Variants in SP100 observed in about 807,000 individuals in gnomAD.
The protein encoded by SP100 is nuclear autoantigen Sp-100.
Under a neutral mutation model 130.0 loss-of-function variants are expected in SP100, and 84 were observed. That is an observed-to-expected ratio of 0.65 (90% CI 0.54 to 0.77). SP100 has a LOEUF of 0.77. Ranked by LOEUF, SP100 falls within the 30% of genes least tolerant of loss-of-function variation. The probability of loss-of-function intolerance (pLI) is 0.00; values close to 1 mark genes in which losing one functional copy is unlikely to be tolerated. For synonymous variants in SP100, 331 were observed against 351.7 expected (o/e 0.94, Z 0.66); for missense variants, 978 against 1,052.2 (o/e 0.93, Z 0.97).
chr2:230,445,740 T>C (rs1306420718), intron 4 of SP100, among the ~76,000 whole-genome samples: 1 of 152,172 alleles, frequency 6.6e-6, no homozygotes, highest in Admixed American at 6.5e-5. Context: ...AAGGGAATGG[T>C]GCTACCTTTA....
At chr2:230,526,861 G>A (rs919833693) in intron 24 of SP100, among the ~76,000 whole-genome samples, 2 of 151,992 alleles carry the variant, frequency 1.3e-5, no homozygotes, top group African/African-American at 4.8e-5. Flanking sequence ...AAAGTGAGAA[G>A]ACAAGACTAG....
chr2:230,437,298 C>T (rs1261493056), intron 2 of SP100, among the ~76,000 whole-genome samples: 1 of 152,092 alleles, frequency 6.6e-6, no homozygotes, highest in Non-Finnish European at 1.5e-5. Context: ...CATTCAATCT[C>T]ATTGTCATTG....
Position 230,543,106 on chromosome 2 carries a change from C to T in SP100, c.*160C>T. ...CGTCTTTTCAGCTTTCAATAAAATTCAACACCCCTTCATGTTAAAAATTCT... is the reference window on the plus strand; with the variant it reads ...CGTCTTTTCAGCTTTCAATAAAATTTAACACCCCTTCATGTTAAAAATTCT... On this transcript the variant is annotated 3_prime_UTR_variant, in exon 29 of 29. Coordinates refer to ENST00000340126, the MANE Select transcript of SP100 (RefSeq NM_001080391.2). 1.9e-6 allele frequency: 1 copy of T among 514,236 alleles called. No homozygotes were observed. The allele number at this position is 514,236 out of a possible 1,614,324, so 31.9% of individuals were successfully genotyped here.
chr2:230,447,664 T>A (rs977819446), intron 5 of SP100, among the ~76,000 whole-genome samples: 1 of 152,292 alleles, frequency 6.6e-6, no homozygotes, highest in African/African-American at 2.4e-5. Flanking sequence ...GGGCAAAGCG[T>A]GGGGAAGGGC....
chr2:230,466,253 A>G (rs1305447307), intron 11 of SP100, 48 bp from the exon 12 acceptor site: 6 of 1,050,540 alleles, frequency 5.7e-6, no homozygotes, highest in African/African-American at 1.6e-5. Context: ...CATAGAATTT[A>G]TAAGTCTCTT....
chr2:230,470,825 G>T (rs544363834), intron 15 of SP100, among the ~76,000 whole-genome samples: 1 of 152,148 alleles, frequency 6.6e-6, no homozygotes, highest in Admixed American at 6.5e-5. Context: ...AAGAAGATGC[G>T]CAAGGAACTC....
chr2:230,462,328 A>T, intron 9 of SP100, 107 bp from the exon 10 acceptor site: 1 of 804,722 alleles, frequency 1.2e-6, no homozygotes, highest in Non-Finnish European at 2.1e-6. Context: ...GTCTTGAGTT[A>T]ACTTAGCTTC....
At chr2:230,456,730 T>C (rs947918432) in intron 8 of SP100, among the ~76,000 whole-genome samples, 5 of 152,222 alleles carry the variant, frequency 3.3e-5, no homozygotes, top group Non-Finnish European at 5.9e-5. Flanking sequence ...ATTCATTGTA[T>C]TTTTCAGCTC....
At chr2:230,538,339 A>AG (rs1692029275) in intron 24 of SP100, 1 of 152,234 alleles carries the variant, frequency 6.6e-6, no homozygotes. Flanking sequence ...TGTACTTTAT[A>AG]GGATGATGTA....
chr2:230,428,981 A>G (rs1050419793), intron 2 of SP100, among the ~76,000 whole-genome samples: 3 of 152,228 alleles, frequency 2.0e-5, no homozygotes, highest in Non-Finnish European at 4.4e-5. Context: ...AAAGTGACTT[A>G]TGCACAATCA....
At position 230,503,110 on chromosome 2, in the gene SP100, G is replaced by A. The variant is rs2067127932; in HGVS notation, c.1765G>A (p.Gly589Ser). 1.3e-6 allele frequency: 2 copies of A among 1,592,614 alleles called. No homozygotes were observed. Among genetic ancestry groups the A allele is most frequent in the Admixed American group, 1.7e-5 (1 of 58,818 alleles). Reference protein sequence around the residue: ...TRPLKRRRKRGPRIPKDENIN... With the variant: ...TRPLKRRRKRSPRIPKDENIN... ...ACCTTTGAAAAGAAGAAGAAAAAGA[G>A]GTAAATAGAAGTGATCGATATGTTT... Residue 589 changes from glycine (G) to serine (S), a missense_variant and splice_region_variant, in exon 20 of 29, where the codon GGT becomes AGT. Transcript: ENST00000340126.
At position 230,464,156 on chromosome 2, in the gene SP100, A is replaced by G. The variant is rs2064811598; in HGVS notation, c.1141+6A>G. On this transcript the variant is annotated splice_donor_region_variant and intron_variant, in intron 11 of 28. Coordinates refer to ENST00000340126, the MANE Select transcript of SP100 (RefSeq NM_001080391.2). ...ACGACCCCAGATTGTACCAGGTAAG[A>G]ATATTAGAGTTGCAACCCGAGACTG... 4 of 1,569,774 alleles carry G rather than the reference A, an allele frequency of 2.5e-6. No homozygotes were observed. The highest frequency in any genetic ancestry group is 3.5e-6 in the Non-Finnish European group (4 of 1,139,624).
intron 17 of SP100, among the ~76,000 whole-genome samples, chr2:230,487,264 GT>G: frequency 6.6e-6 from 1 of 152,262 alleles, no homozygotes; most frequent in Admixed American, 6.5e-5. Flanking sequence ...TGTCCTCAGT[GT>G]TTTGCCTATG....
At position 230,511,156 on chromosome 2, in the gene SP100, T is replaced by C. The variant is rs1235604252; in HGVS notation, c.2084T>C (p.Val695Ala). The C allele has an allele frequency of 1.2e-6, 2 of 1,609,106 alleles. No homozygotes were observed. Reference protein sequence around the residue: ...RILESHNNTLVDPCPENSNIC... With the variant: ...RILESHNNTLADPCPENSNIC... ...CTGGAATCTCACAACAATACCTTAG[T>C]TGACCCTTGTGTAAGTATAAATTTC... is the stretch of plus-strand genomic sequence containing the variant. Residue 695 changes from valine (V) to alanine (A), a missense_variant, in exon 24 of 29, where the codon GTT becomes GCT. Coordinates refer to ENST00000340126, the MANE Select transcript of SP100 (RefSeq NM_001080391.2).
At chr2:230,494,281 G>A (rs373984197) in intron 17 of SP100, 135 bp from the exon 18 acceptor site, 7 of 693,178 alleles carry the variant, frequency 1.0e-5, no homozygotes, top group Non-Finnish European at 1.8e-5. Flanking sequence ...AAGATGGGAT[G>A]TTGGTGGCCG....
chr2:230,437,009 C>T (rs779623606), intron 2 of SP100, among the ~76,000 whole-genome samples: 29 of 137,560 alleles, frequency 2.1e-4, no homozygotes, highest in Non-Finnish European at 3.6e-4. Flanking sequence ...TACACACACA[C>T]ACATATATAT....
At chr2:230,507,901 C>A in intron 22 of SP100, 92 bp from the exon 23 acceptor site, 3 of 1,068,508 alleles carry the variant, frequency 2.8e-6, no homozygotes, top group East Asian at 2.5e-5. Flanking sequence ...GTGGGATATC[C>A]AGGTAGGAAT....
intron 24 of SP100, among the ~76,000 whole-genome samples, chr2:230,525,923 C>T (rs1691401113): frequency 1.3e-5 from 2 of 152,156 alleles, no homozygotes; most frequent in Admixed American, 6.5e-5. Flanking sequence ...GGGCGGAGCC[C>T]ACCACAGCTC....
intron 17 of SP100, among the ~76,000 whole-genome samples, chr2:230,479,142 A>G (rs1575700908): frequency 6.6e-6 from 1 of 152,302 alleles, no homozygotes; most frequent in Non-Finnish European, 1.5e-5. Context: ...TAGATTTTTC[A>G]ACTACAGCTC....
Sources: gnomAD v4.1 joint callset for allele counts (sites outside exome capture counted in the v4.1 genomes callset) on GRCh38, gnomAD v4.1.1 for gene constraint, MANE v1.5 for transcripts, NCBI Gene and HGNC (gene_info 2026-07-23, HGNC 2026-07-21) for gene names.